The following ROBO2 variants were observed in gnomAD, a reference collection of about 807,000 sequenced individuals.
ROBO2 encodes the protein roundabout homolog 2.
A neutral mutation model predicts 160.8 loss-of-function variants in ROBO2; 53 were observed. That is an observed-to-expected ratio of 0.33 (90% CI 0.26 to 0.41). ROBO2 has a LOEUF of 0.41. ROBO2 is among the 10% of genes least tolerant of loss of function. The pLI, the probability that ROBO2 is intolerant of heterozygous loss-of-function variation, is 1.00. For synonymous variants in ROBO2, 664 were observed against 611.7 expected, an observed-to-expected ratio of 1.09 and a Z score of -1.26; for missense variants, 1,577 against 1,722.4, an observed-to-expected ratio of 0.92 and a Z score of 1.49.
intron 2 of ROBO2, among the ~76,000 whole-genome samples, chr3:76,351,257 G>A (rs2108286987): frequency 6.6e-6 from 1 of 151,964 alleles, no homozygotes; most frequent in South Asian, 2.1e-4. Flanking sequence ...AAAAAGGAGA[G>A]TAATATTAAA....
At chr3:75,917,202 C>T (rs535033675) in intron 1 of ROBO2, among the ~76,000 whole-genome samples, 7 of 152,194 alleles carry the variant, frequency 4.6e-5, no homozygotes, top group African/African-American at 7.2e-5. Context: ...CCCCACCCAC[C>T]GACAGGCCCC....
chr3:76,759,128 A>C (rs1657057982), intron 2 of ROBO2, among the ~76,000 whole-genome samples: 1 of 151,964 alleles, frequency 6.6e-6, no homozygotes, highest in Admixed American at 6.6e-5. Flanking sequence ...AACTTAAATT[A>C]GAAGTCATAT....
intron 2 of ROBO2, among the ~76,000 whole-genome samples, chr3:76,948,269 A>G (rs147920878): frequency 6.6e-6 from 1 of 152,064 alleles, no homozygotes; most frequent in African/African-American, 2.4e-5. Context: ...TTTAGATATG[A>G]ATTTGTTTTT....
At chr3:76,484,585 A>T (rs895173207) in intron 2 of ROBO2, among the ~76,000 whole-genome samples, 1 of 152,168 alleles carries the variant, frequency 6.6e-6, no homozygotes, top group African/African-American at 2.4e-5. Context: ...TTTTCTGATC[A>T]TTATAGGTTA....
intron 2 of ROBO2, among the ~76,000 whole-genome samples, chr3:76,355,496 G>T (rs2075105782): frequency 6.6e-6 from 1 of 151,664 alleles, no homozygotes; most frequent in African/African-American, 2.4e-5. Flanking sequence ...ATGAGAATTG[G>T]ATGGCAACTG....
At chr3:77,307,980 G>GT (rs770584607) in intron 2 of ROBO2, among the ~76,000 whole-genome samples, 56 of 151,940 alleles carry the variant, frequency 3.7e-4, no homozygotes, top group Non-Finnish European at 5.6e-4. Context: ...AAAAGTAGGA[G>GT]TAGGGATGTT....
At chr3:76,627,942 A>T (rs2089766309) in intron 2 of ROBO2, among the ~76,000 whole-genome samples, 1 of 152,214 alleles carries the variant, frequency 6.6e-6, no homozygotes, top group Non-Finnish European at 1.5e-5. Context: ...GAAACAAATG[A>T]ATACCCAAAA....
intron 2 of ROBO2, among the ~76,000 whole-genome samples, chr3:76,492,030 C>T (rs554834331): frequency 2.0e-5 from 3 of 152,224 alleles, no homozygotes; most frequent in Admixed American, 6.5e-5. Flanking sequence ...GCAGGAGGAT[C>T]GCTTGAACCT....
chr3:76,354,514 G>C (rs187097366), intron 2 of ROBO2, among the ~76,000 whole-genome samples: 2 of 151,680 alleles, frequency 1.3e-5, no homozygotes, highest in South Asian at 2.1e-4. Flanking sequence ...TGATTACTTA[G>C]AGCCCTCACT....
At chr3:76,269,716 C>G (rs986693058) in intron 2 of ROBO2, among the ~76,000 whole-genome samples, 25 of 152,030 alleles carry the variant, frequency 1.6e-4, no homozygotes, top group Non-Finnish European at 2.7e-4. Context: ...AAGGCCAGGG[C>G]TTTCAGATTT....
chr3:77,491,665 G>A (rs962573391), intron 4 of ROBO2, among the ~76,000 whole-genome samples: 1 of 152,102 alleles, frequency 6.6e-6, no homozygotes, highest in Non-Finnish European at 1.5e-5. Flanking sequence ...TTTATTCAGG[G>A]CGTCTAAAAT....
intron 2 of ROBO2, among the ~76,000 whole-genome samples, chr3:76,468,128 A>G (rs921141153): frequency 6.6e-6 from 1 of 152,108 alleles, no homozygotes; most frequent in African/African-American, 2.4e-5. Flanking sequence ...ACTTATTCCT[A>G]TCATACAGAA....
intron 2 of ROBO2, among the ~76,000 whole-genome samples, chr3:76,165,038 T>C (rs2072774361): frequency 7.0e-6 from 1 of 143,622 alleles, no homozygotes; most frequent in African/African-American, 2.6e-5. Flanking sequence ...TAAACCATAT[T>C]TGACAACATA....
chr3:76,063,557 G>A (rs1401513026), intron 2 of ROBO2, among the ~76,000 whole-genome samples: 2 of 151,638 alleles, frequency 1.3e-5, no homozygotes, highest in Non-Finnish European at 2.9e-5. Context: ...TGTGATCCAG[G>A]CTTGTCTTGA....
chr3:76,212,844 C>CTCTG (rs1703233898), intron 2 of ROBO2, among the ~76,000 whole-genome samples: 1 of 846 alleles, frequency 1.2e-3, no homozygotes, highest in South Asian at 0.1. Flanking sequence ...CCCATGGAGC[C>CTCTG]TCTCTCTCTC....
intron 2 of ROBO2, among the ~76,000 whole-genome samples, chr3:77,276,427 C>T (rs1005416926): frequency 6.6e-6 from 1 of 151,972 alleles, no homozygotes; most frequent in Non-Finnish European, 1.5e-5. Flanking sequence ...TGGCTCACTC[C>T]CCTGAATCTA....
chr3:75,915,647 T>C (rs921887921), intron 1 of ROBO2, among the ~76,000 whole-genome samples: 1 of 152,142 alleles, frequency 6.6e-6, no homozygotes, highest in African/African-American at 2.4e-5. Flanking sequence ...CGAGCTGCAT[T>C]CTGATAAGAA....
intron 6 of ROBO2, among the ~76,000 whole-genome samples, chr3:77,531,092 C>T (rs760227131): frequency 2.6e-5 from 4 of 151,928 alleles, no homozygotes; most frequent in South Asian, 2.1e-4. Context: ...CGTCCTGTTC[C>T]GTTTGGTGAC....
At chr3:77,269,403 A>T (rs2153351647) in intron 2 of ROBO2, among the ~76,000 whole-genome samples, 1 of 152,364 alleles carries the variant, frequency 6.6e-6, no homozygotes, top group South Asian at 2.1e-4. Context: ...GAATCTCAAT[A>T]ATTTAAACAT....
Sources: gnomAD v4.1 joint callset for allele counts (sites outside exome capture counted in the v4.1 genomes callset) on GRCh38, gnomAD v4.1.1 for gene constraint, MANE v1.5 for transcripts, NCBI Gene and HGNC (gene_info 2026-07-23, HGNC 2026-07-21) for gene names.